GAL3ST3: variants seen among roughly 807,000 people sequenced by gnomAD.
GAL3ST3 encodes beta-galactose-3-O-sulfotransferase 3.
GAL3ST3 carries 21 observed loss-of-function variants against 20.8 expected under a neutral mutation model. That is an observed-to-expected ratio of 1.01 (90% CI 0.72 to 1.45). GAL3ST3 has a LOEUF of 1.45. GAL3ST3 is among the 40% of genes most tolerant of loss of function. GAL3ST3 has a pLI of 0.00. For missense variants in GAL3ST3, 739 were observed against 662.7 expected (o/e 1.12, Z -1.26); for synonymous variants, 355 against 307.2 (o/e 1.16, Z -1.63).
chr11:66,046,816 G>A (rs1856788055), intron 1 of GAL3ST3, among the ~76,000 whole-genome samples: 1 of 152,206 alleles, frequency 6.6e-6, no homozygotes, highest in African/African-American at 2.4e-5. Context: ...GGAACCTGAT[G>A]GGCATGTGCA....
Position 66,042,788 on chromosome 11 carries a change from C to G in GAL3ST3, c.1015G>C (p.Glu339Gln). The change falls in exon 3 of 3, where the codon GAG (glutamate) becomes CAG (glutamine). Residue 339 changes from glutamate to glutamine, a missense_variant. Transcript: ENST00000312006. Reference protein sequence around the residue: ...QRLLRRCFGDEPLLRPAAQIR... With the variant: ...QRLLRRCFGDQPLLRPAAQIR... ...TGCGCGGCAGGCCGCAGCAGTGGCT[C>G]GTCCCCGAAGCAGCGCCGCAGTAGG... 1 of 1,488,842 alleles carries G rather than the reference C, an allele frequency of 6.7e-7. No homozygotes were observed. Among genetic ancestry groups the G allele is most frequent in the Non-Finnish European group, 8.9e-7 (1 of 1,129,428 alleles). 92.2% of individuals were successfully genotyped at this position (1,488,842 alleles called of 1,614,324 possible). A position where few individuals can be genotyped will look rare whatever the true frequency, so the allele number is the denominator to read the frequency against.
At chr11:66,044,237 C>T (rs1443400095) in intron 2 of GAL3ST3, among the ~76,000 whole-genome samples, 2 of 152,210 alleles carry the variant, frequency 1.3e-5, no homozygotes, top group African/African-American at 4.8e-5. Context: ...ACCTTGGTTG[C>T]AACCCCATGA....
chr11:66,046,898 T>C (rs9667922), intron 1 of GAL3ST3, among the ~76,000 whole-genome samples: 148,616 of 152,288 alleles, frequency 0.98, 72,613 homozygotes, highest in Middle Eastern at 1. Flanking sequence ...TCACCTTTTC[T>C]GGGAGCCCTG....
At position 66,042,972 on chromosome 11, in the gene GAL3ST3, G is replaced by C. The variant is rs762270571; in HGVS notation, c.831C>G (p.Ala277=). The C allele has an allele frequency of 2.6e-6, 4 of 1,534,892 alleles. No individual in the cohort carries two copies. The highest frequency in any genetic ancestry group is 4.2e-5 in the Admixed American group (2 of 48,014). The change falls in exon 3 of 3, where the codon GCC becomes GCG. Residue 277 remains alanine, a synonymous_variant. Coordinates refer to ENST00000312006, the MANE Select transcript of GAL3ST3 (RefSeq NM_033036.3). ...CCCGCGCCAGCGCCGCGGGGATGGC[G>C]GCCAGGCGCGAGCTGGCGGCGCGCG... ...LNARAASSRL[A]AIPAALARAA...
chr11:66,045,444 G>C lies in GAL3ST3; in HGVS notation c.-29C>G. The C allele has an allele frequency of 6.4e-7, 1 of 1,562,056 alleles. No individual in the cohort carries two copies. Among genetic ancestry groups the C allele is most frequent in the Non-Finnish European group, 8.7e-7 (1 of 1,153,852 alleles). On this transcript the variant is annotated 5_prime_UTR_variant, in exon 2 of 3. Transcript: ENST00000312006. ...GGAGTACCCACCCCTGGACCAGCCAGGGCCTCACTATCCAGGACTCCCTTC... is the reference window on the plus strand; with the variant it reads ...GGAGTACCCACCCCTGGACCAGCCACGGCCTCACTATCCAGGACTCCCTTC...
chr11:66,045,248 TG>T, intron 2 of GAL3ST3, 42 bp downstream of exon 2: 1 of 1,455,110 alleles, frequency 6.9e-7, no homozygotes, highest in Non-Finnish European at 9.1e-7. Context: ...GGTGGAAGAA[TG>T]GGGAGGGGAG....
intron 2 of GAL3ST3, 26 bp downstream of exon 2, chr11:66,045,260 CTCCGG>C (rs1229216755): frequency 6.7e-7 from 1 of 1,486,016 alleles, no homozygotes; most frequent in Non-Finnish European, 9.0e-7. Flanking sequence ...GGGAGGGGAG[CTCCGG>C]CCCCCCTGGG....
At chr11:66,048,675 C>CCT (rs1004592383) in intron 1 of GAL3ST3, among the ~76,000 whole-genome samples, 43 of 143,516 alleles carry the variant, frequency 3.0e-4, no homozygotes, top group Admixed American at 5.6e-4. Context: ...CCCCCAGCCT[C>CCT]CTCTCTCTCT....
At chr11:66,046,642 C>T (rs1856786113) in intron 1 of GAL3ST3, among the ~76,000 whole-genome samples, 1 of 152,200 alleles carries the variant, frequency 6.6e-6, no homozygotes, top group Non-Finnish European at 1.5e-5. Flanking sequence ...CCTTTCCCCA[C>T]AGGAATGCCT....
At chr11:66,044,594 C>A (rs1481813921) in intron 2 of GAL3ST3, among the ~76,000 whole-genome samples, 1 of 152,156 alleles carries the variant, frequency 6.6e-6, no homozygotes, top group Non-Finnish European at 1.5e-5. Context: ...CTTCTAAAGC[C>A]TCATTAATTC....
chr11:66,042,926 G>T lies in GAL3ST3; in HGVS notation c.877C>A (p.Leu293Met). The T allele has an allele frequency of 8.1e-7, 1 of 1,235,178 alleles. No individual in the cohort carries two copies. Among genetic ancestry groups the T allele is most frequent in the Admixed American group, 4.6e-5 (1 of 21,736 alleles). The allele number at this position is 1,235,178 out of a possible 1,614,324, so 76.5% of individuals were successfully genotyped here. A position where few individuals can be genotyped will look rare whatever the true frequency, so the allele number is the denominator to read the frequency against. Residue 293 changes from leucine to methionine, a missense_variant, in exon 3 of 3, where the codon CTG (leucine) becomes ATG (methionine). Coordinates refer to ENST00000312006, the MANE Select transcript of GAL3ST3 (RefSeq NM_033036.3). ...AAGTGGTCGTAGAGGCCGGCGTCCA[G>T]GGCGTTCCAGGTGCGCGCCGCCCGC... ...LARAARTWNA[L>M]DAGLYDHFNA...
rs80308465 is a variant in GAL3ST3, at chr11:66,046,046, C to T, written c.-112-519G>A. Among the ~76,000 whole-genome samples, 665 of 152,320 alleles carry T rather than the reference C, an allele frequency of 4.4e-3. 8 individuals carry two copies. In the East Asian group the frequency reaches 0.049, roughly 11 times the overall value. ...CGATACTGCAGGCTTACTCTATGTA[C>T]TGTATTATTACATACTTAATCCCAT... On this transcript the variant is annotated intron_variant, in intron 1 of 2. Transcript: ENST00000312006.
At chr11:66,046,613 C>T (rs1590701587) in intron 1 of GAL3ST3, among the ~76,000 whole-genome samples, 1 of 152,174 alleles carries the variant, frequency 6.6e-6, no homozygotes, top group African/African-American at 2.4e-5. Context: ...GGGAGGAGGG[C>T]TTGGTCACAC....
Position 66,045,388 on chromosome 11 carries a change from G to T in GAL3ST3, c.28C>A (p.Gln10Lys). The change falls in exon 2 of 3, where the codon CAG becomes AAG. Residue 10 changes from glutamine to lysine, a missense_variant. Transcript: ENST00000312006. ...CGGCGGCTCATCATCTTGGTGGCCTGCTGCAGGCGCTGGAGGATGGGTGGC... is the reference window on the plus strand; with the variant it reads ...CGGCGGCTCATCATCTTGGTGGCCTTCTGCAGGCGCTGGAGGATGGGTGGC... Reference protein sequence around the residue: MPPILQRLQQATKMMSRRKI... With the variant: MPPILQRLQKATKMMSRRKI... 1 of 1,603,356 alleles carries T rather than the reference G, an allele frequency of 6.2e-7. No individual in the cohort carries two copies. Among genetic ancestry groups the T allele is most frequent in the Middle Eastern group, 1.7e-4 (1 of 6,018 alleles).
chr11:66,046,140 G>C (rs907241616), intron 1 of GAL3ST3, among the ~76,000 whole-genome samples: 2 of 152,222 alleles, frequency 1.3e-5, no homozygotes, highest in Non-Finnish European at 2.9e-5. Flanking sequence ...GAGGCTCTAA[G>C]AGATTATATC....
rs754243870 is a variant in GAL3ST3 at position 66,043,383 on chromosome 11, G to A, written c.420C>T (p.Leu140=). The change falls in exon 3 of 3, where the codon CTC becomes CTT. Residue 140 remains leucine (L), a synonymous_variant. Coordinates refer to ENST00000312006, the MANE Select transcript of GAL3ST3 (RefSeq NM_033036.3). ...LRFDRAELER[L]MPPSTVYVTI... ...TGACATAGACGGTGCTGGGCGGCAT[G>A]AGGCGCTCCAGCTCCGCACGGTCGA... 3 of 1,610,136 alleles carry A rather than the reference G, an allele frequency of 1.9e-6. No homozygotes were observed. Among genetic ancestry groups the A allele is most frequent in the Admixed American group, 1.7e-5 (1 of 59,680 alleles).
At chr11:66,045,181 G>C (rs1463072403) in intron 2 of GAL3ST3, 110 bp downstream of exon 2, 9 of 1,004,094 alleles carry the variant, frequency 9.0e-6, no homozygotes, top group Admixed American at 3.7e-5. Flanking sequence ...TGGCCCTAAA[G>C]GGAAAGCACT....
Position 66,042,676 on chromosome 11 carries a change from G to C in GAL3ST3, c.1127C>G (p.Pro376Arg). 2.6e-6 allele frequency: 4 copies of C among 1,534,354 alleles called. No individual in the cohort carries two copies. Among genetic ancestry groups the C allele is most frequent in the Non-Finnish European group, 3.5e-6 (4 of 1,145,942 alleles). Residue 376 changes from proline to arginine, a missense_variant, in exon 3 of 3, where the codon CCG (proline) becomes CGG (arginine). Pro to Arg is a moderately radical substitution (Grantham distance 103, BLOSUM62 -2). Coordinates refer to ENST00000312006, the MANE Select transcript of GAL3ST3 (RefSeq NM_033036.3). ...CAGCTTGAGGCAGGCCTCGGTGGCCGGGCCGGCGCCGCCGCCGGGCAGGTC... is the reference window on the plus strand; with the variant it reads ...CAGCTTGAGGCAGGCCTCGGTGGCCCGGCCGGCGCCGCCGCCGGGCAGGTC... ...GYDLPGGGAG[P>R]ATEACLKLAM... is the part of the protein sequence containing the mutation.
chr11:66,043,776 C>G, intron 2 of GAL3ST3, 99 bp from the exon 3 acceptor site: 4 of 1,098,068 alleles, frequency 3.6e-6, no homozygotes, highest in Non-Finnish European at 5.1e-6. Flanking sequence ...ACAGCGCGGC[C>G]CCGCCTGGGC....
Sources: allele counts gnomAD v4.1 joint callset (sites outside exome capture counted in the v4.1 genomes callset), GRCh38; gene constraint gnomAD v4.1.1; transcripts MANE v1.5; gene names NCBI Gene and HGNC (gene_info 2026-07-23, HGNC 2026-07-21).